Variants in UHRF2 observed in about 807,000 individuals in gnomAD.
UHRF2 encodes ubiquitin like with PHD and ring finger domains 2.
Under a neutral mutation model 96.8 loss-of-function variants are expected in UHRF2, and 23 were observed. The observed-to-expected ratio is 0.24, with a 90% confidence interval of 0.17 to 0.34. UHRF2 has a LOEUF of 0.34. UHRF2 is among the 10% of genes least tolerant of loss of function. The probability of loss-of-function intolerance (pLI) is 1.00; values close to 1 mark genes in which losing one functional copy is unlikely to be tolerated. For missense variants in UHRF2, 685 were observed against 981.5 expected (o/e 0.70, Z 4.04); for synonymous variants, 385 against 332.6 (o/e 1.16, Z -1.72).
intron 3 of UHRF2, among the ~76,000 whole-genome samples, chr9:6,460,255 A>G (rs1323585224): frequency 1.3e-5 from 2 of 152,184 alleles, no homozygotes; most frequent in Non-Finnish European, 2.9e-5. Context: ...AGCTCCCTCA[A>G]AGTAGATGAT....
chr9:6,420,037 C>T (rs766754684), intron 1 of UHRF2, among the ~76,000 whole-genome samples: 8 of 151,632 alleles, frequency 5.3e-5, no homozygotes, highest in Admixed American at 6.6e-5. Context: ...ATGTGAGGCC[C>T]GGAGCCCAGC....
rs1241249904 is a variant in UHRF2 at position 6,477,611 on chromosome 9, G to T, written c.974-11G>T. 5.0e-6 allele frequency: 8 copies of T among 1,589,374 alleles called. No homozygotes were observed. The highest frequency in any genetic ancestry group is 6.9e-6 in the Non-Finnish European group (8 of 1,167,070). On this transcript the variant is annotated splice_polypyrimidine_tract_variant and intron_variant, in intron 5 of 15. Transcript: ENST00000276893. ...TTAAGACTAGACTTGCTATAATTTTGTTCTTAATAGGGCGAAATGACCCTG... is the reference window on the plus strand; with the variant it reads ...TTAAGACTAGACTTGCTATAATTTTTTTCTTAATAGGGCGAAATGACCCTG...
At chr9:6,465,489 G>C (rs1408737154) in intron 4 of UHRF2, among the ~76,000 whole-genome samples, 2 of 152,082 alleles carry the variant, frequency 1.3e-5, no homozygotes, top group African/African-American at 4.8e-5. Flanking sequence ...ATGATCAGAG[G>C]ACTATTCATG....
intron 4 of UHRF2, among the ~76,000 whole-genome samples, chr9:6,470,625 T>A (rs989217058): frequency 6.6e-6 from 1 of 151,998 alleles, no homozygotes; most frequent in Non-Finnish European, 1.5e-5. Context: ...TAGTGAACTT[T>A]AAAATATACA....
chr9:6,476,638 A>T (rs1823590745), intron 5 of UHRF2, among the ~76,000 whole-genome samples: 1 of 152,110 alleles, frequency 6.6e-6, no homozygotes, highest in Non-Finnish European at 1.5e-5. Context: ...CTTGTTGCCC[A>T]GGCTGGAGTG....
chr9:6,460,196 T>A (rs538432203), intron 3 of UHRF2, among the ~76,000 whole-genome samples: 1 of 152,314 alleles, frequency 6.6e-6, no homozygotes, highest in South Asian at 2.1e-4. Flanking sequence ...CAGTAATACG[T>A]GACTGAATAG....
chr9:6,460,583 A>G lies in UHRF2; in HGVS notation c.655A>G (p.Ser219Gly). ...YHIQYDEYPESGTLEMNVKDL... is the reference protein window; with the variant it reads ...YHIQYDEYPEGGTLEMNVKDL... ...TTTCTCTCTCCTCAGATACCCAGAA[A>G]GCGGTACTCTAGAAATGAATGTCAA... The change falls in exon 4 of 16, where the codon AGC becomes GGC. Residue 219 changes from serine (S) to glycine (G), a missense_variant. Ser to Gly is a moderately conservative substitution (Grantham distance 56). This residue lies in a region of UHRF2 where 391 missense variants were observed against 437.0 expected (regional missense o/e 0.89). Coordinates refer to ENST00000276893, the MANE Select transcript of UHRF2 (RefSeq NM_152896.3). 6.2e-7 allele frequency: 1 copy of G among 1,603,062 alleles called. No homozygotes were observed. Among genetic ancestry groups the G allele is most frequent in the Non-Finnish European group, 8.5e-7 (1 of 1,172,890 alleles).
chr9:6,448,287 A>G (rs1256268314), intron 3 of UHRF2, among the ~76,000 whole-genome samples: 1 of 152,248 alleles, frequency 6.6e-6, no homozygotes, highest in Non-Finnish European at 1.5e-5. Context: ...CTCAAAGGAA[A>G]ACACAGTTGT....
intron 8 of UHRF2, among the ~76,000 whole-genome samples, chr9:6,485,117 T>G (rs1824189302): frequency 6.6e-6 from 1 of 152,178 alleles, no homozygotes; most frequent in African/African-American, 2.4e-5. Flanking sequence ...CTGTGGAAGA[T>G]GAAACATTTA....
intron 1 of UHRF2, chr9:6,415,098 ACTGGTGATTT>A (rs1057229557): frequency 5.3e-5 from 8 of 152,236 alleles, no homozygotes; most frequent in Non-Finnish European, 1.2e-4. Context: ...TTCCTAGGAC[ACTGGTGATTT>A]CAGCACCAGA....
intron 2 of UHRF2, among the ~76,000 whole-genome samples, chr9:6,424,850 T>C (rs1435217932): frequency 1.3e-5 from 2 of 150,380 alleles, no homozygotes; most frequent in African/African-American, 4.9e-5. Flanking sequence ...AATCTCCCCC[T>C]GTTAGGATTC....
At chr9:6,459,848 C>T (rs1006490977) in intron 3 of UHRF2, among the ~76,000 whole-genome samples, 12 of 152,204 alleles carry the variant, frequency 7.9e-5, no homozygotes, top group African/African-American at 2.9e-4. Context: ...TGGCACGTGT[C>T]TGTAGTACCA....
At chr9:6,488,540 C>CTTTTTTTTTTTTTTTTTTTTTTTTT (rs58280407) in intron 9 of UHRF2, among the ~76,000 whole-genome samples, 1 of 83,810 alleles carries the variant, frequency 1.2e-5, no homozygotes, top group Non-Finnish European at 2.2e-5. Flanking sequence ...TTTTTCTTTT[C>CTTTTTTTTTTTTTTTTTTTTTTTTT]TTTTTTTTTT....
intron 2 of UHRF2, among the ~76,000 whole-genome samples, chr9:6,427,210 T>C (rs1419772904): frequency 6.6e-6 from 1 of 151,588 alleles, no homozygotes; most frequent in Non-Finnish European, 1.5e-5. Context: ...TTGGTAAATA[T>C]TTTTTTTTAT....
At chr9:6,432,414 T>G (rs1820608014) in intron 2 of UHRF2, among the ~76,000 whole-genome samples, 1 of 152,208 alleles carries the variant, frequency 6.6e-6, no homozygotes, top group South Asian at 2.1e-4. Context: ...TCACTTACCT[T>G]TGAAGTTCCT....
At chr9:6,434,835 T>C (rs1390532211) in intron 3 of UHRF2, among the ~76,000 whole-genome samples, 1 of 152,056 alleles carries the variant, frequency 6.6e-6, no homozygotes, top group African/African-American at 2.4e-5. Context: ...TATATGTGTA[T>C]GTTTTGGGGG....
chr9:6,497,557 A>G (rs1825041007), intron 11 of UHRF2, among the ~76,000 whole-genome samples, 197 bp downstream of exon 11: 1 of 151,558 alleles, frequency 6.6e-6, no homozygotes, highest in Non-Finnish European at 1.5e-5. Flanking sequence ...TCGAGTTCCT[A>G]GGGGCAGAGT....
At chr9:6,477,424 G>A (rs1823647846) in intron 5 of UHRF2, among the ~76,000 whole-genome samples, 198 bp from the exon 6 acceptor site, 3 of 151,974 alleles carry the variant, frequency 2.0e-5, no homozygotes, top group Admixed American at 1.3e-4. Context: ...TACTCGAGAA[G>A]CTGAGGCGGG....
intron 3 of UHRF2, among the ~76,000 whole-genome samples, chr9:6,444,043 A>G (rs1419280796): frequency 6.6e-6 from 1 of 152,228 alleles, no homozygotes; most frequent in Non-Finnish European, 1.5e-5. Context: ...TTTCTTGAGT[A>G]TATTGATGTA....
Sources: allele counts gnomAD v4.1 joint callset (sites outside exome capture counted in the v4.1 genomes callset), GRCh38; gene constraint gnomAD v4.1.1; regional missense constraint gnomAD v4.1.1; transcripts MANE v1.5; gene names NCBI Gene and HGNC (gene_info 2026-07-23, HGNC 2026-07-21).